NIPBL: variants seen among roughly 807,000 people sequenced by gnomAD.
NIPBL encodes NIPBL cohesin loading factor, also known as nipped-B-like protein.
A neutral mutation model predicts 321.8 loss-of-function variants in NIPBL; 19 were observed. The observed-to-expected ratio is 0.06, with a 90% CI of 0.04 to 0.09. The LOEUF (loss-of-function observed/expected upper bound fraction) is 0.09, where lower values mean the gene tolerates loss of function less well. NIPBL is among the 10% of genes least tolerant of loss of function. NIPBL has a pLI of 1.00. For synonymous variants in NIPBL, 1,106 were observed against 1,114.1 expected, an observed-to-expected ratio of 0.99 and a Z score of 0.14; for missense variants, 2,210 against 3,327.0, an observed-to-expected ratio of 0.66 and a Z score of 8.26.
At chr5:37,014,193 C>A (rs1416790895) in intron 21 of NIPBL, among the ~76,000 whole-genome samples, 1 of 147,876 alleles carries the variant, frequency 6.8e-6, no homozygotes, top group Non-Finnish European at 1.5e-5. Context: ...AGAGGGAGAC[C>A]GTGGAAAGAG....
intron 10 of NIPBL, among the ~76,000 whole-genome samples, chr5:36,987,558 T>C (rs1054979110): frequency 1.5e-4 from 23 of 152,298 alleles, no homozygotes; most frequent in African/African-American, 5.1e-4. Context: ...TGAAAACATA[T>C]TATAAAGAAC....
At chr5:37,021,709 T>G (rs1362356789) in intron 27 of NIPBL, among the ~76,000 whole-genome samples, 1 of 152,098 alleles carries the variant, frequency 6.6e-6, no homozygotes, top group Non-Finnish European at 1.5e-5. Context: ...ATACAAAACA[T>G]TCAACTACCA....
At chr5:36,914,745 T>A (rs1427111818) in intron 1 of NIPBL, among the ~76,000 whole-genome samples, 7 of 152,226 alleles carry the variant, frequency 4.6e-5, no homozygotes, top group Non-Finnish European at 8.8e-5. Context: ...TTTCCTCTTA[T>A]ATATTGACTA....
intron 1 of NIPBL, among the ~76,000 whole-genome samples, chr5:36,894,928 G>A (rs776820583): frequency 1.6e-4 from 24 of 152,180 alleles, no homozygotes; most frequent in Non-Finnish European, 2.8e-4. Context: ...CCTGCAACAG[G>A]CTTGTAGCAA....
intron 1 of NIPBL, among the ~76,000 whole-genome samples, chr5:36,948,814 C>A (rs1739965652): frequency 6.6e-6 from 1 of 151,810 alleles, no homozygotes; most frequent in African/African-American, 2.4e-5. Context: ...ATGTGAATCA[C>A]ATACTAAATG....
chr5:36,933,757 T>G (rs1008145072), intron 1 of NIPBL, among the ~76,000 whole-genome samples: 2 of 152,136 alleles, frequency 1.3e-5, no homozygotes, highest in African/African-American at 4.8e-5. Context: ...TCTTCCTTGC[T>G]CCTTCATCAA....
chr5:36,968,240 A>G (rs369617805), intron 6 of NIPBL, among the ~76,000 whole-genome samples: 117 of 152,246 alleles, frequency 7.7e-4, no homozygotes, highest in African/African-American at 2.7e-3. Context: ...GAGCCTTTTA[A>G]TAGGTCTCAA....
rs1739685609 is a variant in NIPBL at position 36,946,464 on chromosome 5, A to C, written c.-79-7154A>C. Among the ~76,000 whole-genome samples, 3 of 152,132 alleles carry C rather than the reference A, an allele frequency of 2.0e-5. 1 individual carries two copies. In the South Asian group the frequency reaches 6.2e-4, roughly 32 times the overall value. ...TATTTGCCATTCCTGTATTTTGTAGAATCCTTTTTATACCTTCTAGTTAAC... is the reference window on the plus strand; with the variant it reads ...TATTTGCCATTCCTGTATTTTGTAGCATCCTTTTTATACCTTCTAGTTAAC... On this transcript the variant is annotated intron_variant, in intron 1 of 46. Transcript: ENST00000282516.
intron 9 of NIPBL, among the ~76,000 whole-genome samples, chr5:36,983,775 C>T (rs1239127151): frequency 6.6e-6 from 1 of 151,870 alleles, no homozygotes; most frequent in African/African-American, 2.4e-5. Flanking sequence ...GTTAAAAATA[C>T]CTTCACATTT....
chr5:36,924,772 C>T (rs1749222615), intron 1 of NIPBL, among the ~76,000 whole-genome samples: 1 of 152,140 alleles, frequency 6.6e-6, no homozygotes, highest in Non-Finnish European at 1.5e-5. Flanking sequence ...ATAGATTTTT[C>T]CTCAGACTCT....
In NIPBL at chr5:37,008,727, A is replaced by C. The variant is rs778259760; in HGVS notation, c.4421+4A>C. 6.8e-7 allele frequency: 1 copy of C among 1,471,250 alleles called. No homozygotes were observed. The highest frequency in any genetic ancestry group is 1.1e-5 in the South Asian group (1 of 88,048). 91.1% of individuals were successfully genotyped at this position (1,471,250 alleles called of 1,614,324 possible). A position where few individuals can be genotyped will look rare whatever the true frequency, so the allele number is the denominator to read the frequency against. ...AGAGGAGTTTAAGGAACTTCAGGTA[A>C]TTAATTATAACAGAGGTCAAGTTTA... On this transcript the variant is annotated splice_donor_region_variant and intron_variant, in intron 20 of 46. Transcript: ENST00000282516.
chr5:36,951,363 C>T (rs955514001), intron 1 of NIPBL, among the ~76,000 whole-genome samples: 4 of 152,168 alleles, frequency 2.6e-5, no homozygotes, highest in African/African-American at 7.2e-5. Flanking sequence ...TTCCTATTCT[C>T]TGAGTTAAAT....
chr5:36,958,315 T>A (rs1214414183), intron 4 of NIPBL, 84 bp downstream of exon 4: 1 of 1,393,324 alleles, frequency 7.2e-7, no homozygotes, highest in East Asian at 2.4e-5. Context: ...CAAGCTGGCC[T>A]ATCAGGAATG....
chr5:36,958,848 A>C (rs1400667047), intron 4 of NIPBL, among the ~76,000 whole-genome samples: 6 of 152,180 alleles, frequency 3.9e-5, no homozygotes, highest in African/African-American at 1.4e-4. Flanking sequence ...TCAAGATTAA[A>C]ATAGGGCAGG....
At chr5:36,976,776 C>A (rs890550951) in intron 9 of NIPBL, among the ~76,000 whole-genome samples, 5 of 152,008 alleles carry the variant, frequency 3.3e-5, no homozygotes, top group Non-Finnish European at 7.4e-5. Flanking sequence ...CAAGGTTAAC[C>A]ACTGTAGAAT....
At chr5:36,968,003 G>A (rs1002192720) in intron 6 of NIPBL, among the ~76,000 whole-genome samples, 7 of 151,304 alleles carry the variant, frequency 4.6e-5, no homozygotes, top group African/African-American at 1.7e-4. Flanking sequence ...GGCTGAGGTG[G>A]GAGGATGGCT....
intron 1 of NIPBL, among the ~76,000 whole-genome samples, chr5:36,904,316 A>G (rs1392585374): frequency 6.6e-6 from 1 of 152,174 alleles, no homozygotes; most frequent in Non-Finnish European, 1.5e-5. Flanking sequence ...TAAAAATTCA[A>G]AAAATTAGCC....
At position 36,916,713 on chromosome 5, in the gene NIPBL, A is replaced by G. The variant is rs146940383; in HGVS notation, c.-79-36905A>G. 3.7e-4 allele frequency among the ~76,000 whole-genome samples: 52 copies of G among 141,206 alleles called. 1 individual carries two copies. The East Asian group carries it at 9.7e-3, about 26-fold the overall frequency. 92.6% of individuals were successfully genotyped at this position (141,206 alleles called of 152,430 possible). Reference sequence around the variant, plus strand: ...CCCCTTCCCGTGTCCAAGGGTTCCCATTGTTCAATTCCCACTTATGAGTGA... The same window carrying G: ...CCCCTTCCCGTGTCCAAGGGTTCCCGTTGTTCAATTCCCACTTATGAGTGA... On this transcript the variant is annotated intron_variant, in intron 1 of 46. Coordinates refer to ENST00000282516, the MANE Select transcript of NIPBL (RefSeq NM_133433.4).
Position 36,985,096 on chromosome 5 carries a change from A to G in NIPBL, c.1916A>G (p.Lys639Arg). ...RLVETKSSENKLETKVETQTE... is the reference protein window; with the variant it reads ...RLVETKSSENRLETKVETQTE... Reference sequence around the variant, plus strand: ...GTGGAGACAAAATCAAGTGAAAATAAGTTAGAAACTAAAGTTGAGACCCAA... The same window carrying G: ...GTGGAGACAAAATCAAGTGAAAATAGGTTAGAAACTAAAGTTGAGACCCAA... The change falls in exon 10 of 47, where the codon AAG becomes AGG. Residue 639 changes from lysine to arginine, a missense_variant. Transcript: ENST00000282516. The G allele has an allele frequency of 6.2e-7, 1 of 1,613,960 alleles. No individual in the cohort carries two copies. The highest frequency in any genetic ancestry group is 8.5e-7 in the Non-Finnish European group (1 of 1,179,944).
Sources: gnomAD v4.1 joint callset for allele counts (sites outside exome capture counted in the v4.1 genomes callset) on GRCh38, gnomAD v4.1.1 for gene constraint, MANE v1.5 for transcripts, NCBI Gene and HGNC (gene_info 2026-07-23, HGNC 2026-07-21) for gene names.